The following RNF19B variants were observed in gnomAD, a reference collection of about 807,000 sequenced individuals.
RNF19B encodes ring finger protein 19B.
In RNF19B, 23 loss-of-function variants were observed where a neutral mutation model predicts 65.5. The observed-to-expected ratio is 0.35, with a 90% CI of 0.25 to 0.50. RNF19B has a LOEUF of 0.50. RNF19B is among the 20% of genes least tolerant of loss of function. The probability of loss-of-function intolerance (pLI) is 0.98; values close to 1 mark genes in which losing one functional copy is unlikely to be tolerated. For synonymous variants in RNF19B, 372 were observed against 379.6 expected (o/e 0.98, Z 0.23); for missense variants, 794 against 980.0 (o/e 0.81, Z 2.53).
chr1:32,961,934 G>T (rs2124193410), intron 1 of RNF19B, among the ~76,000 whole-genome samples: 1 of 151,782 alleles, frequency 6.6e-6, no homozygotes, highest in South Asian at 2.1e-4. Context: ...ATCTCAGAAA[G>T]GAGTTAATGT....
rs1243351085 is a variant in RNF19B at position 32,943,126 on chromosome 1, G to A, written c.1403-667C>T. Among the ~76,000 whole-genome samples the A allele has an allele frequency of 4.8e-5, 7 of 147,272 alleles. 1 individual carries two copies. In the East Asian group the frequency reaches 1.4e-3, roughly 29 times the overall value. Reference sequence around the variant, plus strand: ...ACTGCACTCCAGCCTGGGCAACAGAGCAAGACTCCGTCTCAAAAAAAAAAA... The same window carrying A: ...ACTGCACTCCAGCCTGGGCAACAGAACAAGACTCCGTCTCAAAAAAAAAAA... On this transcript the variant is annotated intron_variant, in intron 6 of 8. Transcript: ENST00000235150.
chr1:32,950,733 C>T (rs894042672), intron 1 of RNF19B, among the ~76,000 whole-genome samples: 8 of 151,658 alleles, frequency 5.3e-5, no homozygotes, highest in African/African-American at 1.7e-4. Flanking sequence ...GATGGGGTTT[C>T]GCCCCATTGC....
downstream of RNF19B, among the ~76,000 whole-genome samples, chr1:32,933,171 C>T (rs1642047908): frequency 6.6e-6 from 1 of 152,126 alleles, no homozygotes; most frequent in Non-Finnish European, 1.5e-5. Flanking sequence ...ACATCTTATA[C>T]CTGAAATGCG....
chr1:32,946,399 T>C lies in RNF19B; in HGVS notation c.1146+3A>G. On this transcript the variant is annotated splice_donor_region_variant and intron_variant, in intron 4 of 8. Coordinates refer to ENST00000235150, the MANE Select transcript of RNF19B (RefSeq NM_001300826.2). ...AGCACAGAAACCAGCATGTCTTTCT[T>C]ACCTTCCTTCCAACATAAACAGGAA... 2 of 1,613,382 alleles carry C rather than the reference T, an allele frequency of 1.2e-6. No homozygotes were observed. Among genetic ancestry groups the C allele is most frequent in the Non-Finnish European group, 1.7e-6 (2 of 1,179,612 alleles).
At chr1:32,949,511 A>G in intron 2 of RNF19B, 58 bp downstream of exon 2, 1 of 1,454,978 alleles carries the variant, frequency 6.9e-7, no homozygotes, top group Non-Finnish European at 9.6e-7. Flanking sequence ...TCTTTCAGCT[A>G]TGGGCTCACA....
rs576354071 is a variant in RNF19B at position 32,954,746 on chromosome 1, A to C, written c.636-4972T>G. ...AAAGAGGAATTCCATCTCAAAAAAA[A>C]AAAAAAACAATCTCCAAACCTTAGC... On this transcript the variant is annotated intron_variant, in intron 1 of 8. Coordinates refer to ENST00000235150, the MANE Select transcript of RNF19B (RefSeq NM_001300826.2). Among the ~76,000 whole-genome samples, 19 of 151,924 alleles carry C rather than the reference A, an allele frequency of 1.3e-4. 1 individual carries two copies. The South Asian group carries it at 4.0e-3, about 32-fold the overall frequency.
At chr1:32,953,444 T>C (rs901278235) in intron 1 of RNF19B, among the ~76,000 whole-genome samples, 6 of 152,178 alleles carry the variant, frequency 3.9e-5, no homozygotes, top group African/African-American at 1.2e-4. Flanking sequence ...TTTATTTGAA[T>C]GTACATGAGA....
chr1:32,932,906 T>C (rs990786425), downstream of RNF19B, among the ~76,000 whole-genome samples: 1 of 145,528 alleles, frequency 6.9e-6, no homozygotes, highest in Non-Finnish European at 1.6e-5. Flanking sequence ...TTGTAGTTTA[T>C]TCCTCATGTC....
chr1:32,961,373 T>G (rs935242954), intron 1 of RNF19B, among the ~76,000 whole-genome samples: 1 of 152,188 alleles, frequency 6.6e-6, no homozygotes, highest in East Asian at 1.9e-4. Context: ...AAACAGGGGC[T>G]GAATGGAAGG....
chr1:32,934,841 T>A (rs965136783), downstream of RNF19B, among the ~76,000 whole-genome samples: 17 of 151,984 alleles, frequency 1.1e-4, no homozygotes, highest in African/African-American at 3.9e-4. Flanking sequence ...AGGACATTAT[T>A]TTATTTTGTC....
chr1:32,943,899 CT>C, intron 6 of RNF19B, 119 bp downstream of exon 6: 1 of 1,016,086 alleles, frequency 9.8e-7, no homozygotes, highest in Admixed American at 2.5e-5. Flanking sequence ...ACTTTACCCC[CT>C]ACAAAGCTCA....
intron 1 of RNF19B, among the ~76,000 whole-genome samples, chr1:32,953,491 T>C (rs1379274871): frequency 1.3e-5 from 2 of 152,124 alleles, no homozygotes; most frequent in African/African-American, 4.8e-5. Flanking sequence ...AGGTTTATCA[T>C]AGAGTCTGCA....
chr1:32,958,475 G>A (rs1642693294), intron 1 of RNF19B, among the ~76,000 whole-genome samples: 1 of 152,186 alleles, frequency 6.6e-6, no homozygotes, highest in Admixed American at 6.5e-5. Context: ...CCAGCACTTT[G>A]GGAGGCTGAG....
intron 1 of RNF19B, among the ~76,000 whole-genome samples, chr1:32,954,463 G>A (rs181866106): frequency 6.6e-6 from 1 of 151,780 alleles, no homozygotes; most frequent in East Asian, 1.9e-4. Flanking sequence ...AACCGGCCTG[G>A]TGCAGTCACT....
Position 32,948,352 on chromosome 1 carries a change from G to C in RNF19B, c.853C>G (p.Pro285Ala). 3 of 1,613,376 alleles carry C rather than the reference G, an allele frequency of 1.9e-6. No individual in the cohort carries two copies. The highest frequency in any genetic ancestry group is 2.5e-6 in the Non-Finnish European group (3 of 1,179,514). Residue 285 changes from proline (P) to alanine (A), a missense_variant, in exon 3 of 9, where the codon CCA (proline) becomes GCA (alanine). Coordinates refer to ENST00000235150, the MANE Select transcript of RNF19B (RefSeq NM_001300826.2). ...ATGTATGCACTGCATCGTGGGCATG[G>C]CTTGATGTCATCTGCTATGAGTGGG... ...GQESGPDDIK[P>A]CPRCSAYIIK...
intron 1 of RNF19B, among the ~76,000 whole-genome samples, chr1:32,954,651 T>C (rs536317126): frequency 6.6e-6 from 1 of 151,466 alleles, no homozygotes; most frequent in Non-Finnish European, 1.5e-5. Context: ...GGCAGGAGAA[T>C]TGCTTGAAAC....
intron 3 of RNF19B, among the ~76,000 whole-genome samples, chr1:32,947,683 C>T (rs897253243): frequency 6.6e-6 from 1 of 150,666 alleles, no homozygotes; most frequent in Non-Finnish European, 1.5e-5. Flanking sequence ...AAAGAATTCA[C>T]TTAATGAATT....
chr1:32,940,023 C>T (rs977458110), intron 7 of RNF19B, among the ~76,000 whole-genome samples: 3 of 152,216 alleles, frequency 2.0e-5, no homozygotes, highest in Non-Finnish European at 2.9e-5. Flanking sequence ...ATTCAAGCAG[C>T]TTCCATCCTA....
chr1:32,958,003 C>G (rs1286103356), intron 1 of RNF19B, among the ~76,000 whole-genome samples: 1 of 152,180 alleles, frequency 6.6e-6, no homozygotes, highest in African/African-American at 2.4e-5. Context: ...AGACTTTGTA[C>G]ACAGAGTTGT....
Sources: gnomAD v4.1 joint callset for allele counts (sites outside exome capture counted in the v4.1 genomes callset) on GRCh38, gnomAD v4.1.1 for gene constraint, MANE v1.5 for transcripts, NCBI Gene and HGNC (gene_info 2026-07-23, HGNC 2026-07-21) for gene names.